The following PSD3 variants were observed in gnomAD, a reference collection of about 807,000 sequenced individuals.
The protein encoded by PSD3 is PH and SEC7 domain-containing protein 3.
PSD3 carries 49 observed loss-of-function variants against 105.5 expected under a neutral mutation model. That is an observed-to-expected ratio of 0.46 (90% CI 0.37 to 0.59). The LOEUF is 0.59. Ranked by LOEUF, PSD3 falls within the 20% of genes least tolerant of loss-of-function variation. The pLI is 0.00. For missense variants in PSD3, 1,561 were observed against 1,263.8 expected (o/e 1.24, Z -3.57); for synonymous variants, 557 against 457.8 (o/e 1.22, Z -2.77).
chr8:18,700,403 T>C (rs750773192), intron 9 of PSD3, among the ~76,000 whole-genome samples: 1 of 152,210 alleles, frequency 6.6e-6, no homozygotes, highest in African/African-American at 2.4e-5. Flanking sequence ...TAGAGTACGG[T>C]TGTTTCTTAA....
At chr8:19,038,335 T>A (rs1212996870) in intron 1 of PSD3, among the ~76,000 whole-genome samples, 1 of 152,208 alleles carries the variant, frequency 6.6e-6, no homozygotes, top group Admixed American at 6.5e-5. Context: ...TTGCCTGAAT[T>A]TGGGGTCCCT....
At chr8:18,909,615 C>A (rs1290607244) in intron 2 of PSD3, among the ~76,000 whole-genome samples, 1 of 152,124 alleles carries the variant, frequency 6.6e-6, no homozygotes, top group Non-Finnish European at 1.5e-5. Flanking sequence ...AAGTGAGCAG[C>A]TCGGACTACA....
At chr8:19,061,679 C>T (rs1828900607) in intron 1 of PSD3, among the ~76,000 whole-genome samples, 2 of 151,962 alleles carry the variant, frequency 1.3e-5, no homozygotes, top group Admixed American at 6.6e-5. Context: ...GTGGGGTGTG[C>T]CTGTAATCCC....
chr8:18,756,513 G>C (rs1446421858), intron 9 of PSD3, among the ~76,000 whole-genome samples: 7 of 151,548 alleles, frequency 4.6e-5, no homozygotes, highest in African/African-American at 1.5e-4. Context: ...AGAGCTAAGA[G>C]AGTTAACACT....
At chr8:18,552,196 C>T (rs190200128) in intron 15 of PSD3, among the ~76,000 whole-genome samples, 53 of 152,260 alleles carry the variant, frequency 3.5e-4, no homozygotes, top group African/African-American at 1.2e-3. Flanking sequence ...TTCAGCAATT[C>T]CCCTGTAGTA....
chr8:18,736,105 C>T (rs1225296365), intron 9 of PSD3, among the ~76,000 whole-genome samples: 2 of 152,138 alleles, frequency 1.3e-5, no homozygotes, highest in Non-Finnish European at 2.9e-5. Flanking sequence ...ATCTCCTATG[C>T]TACAGTTTAC....
chr8:18,685,485 C>T (rs972684069), intron 9 of PSD3, among the ~76,000 whole-genome samples: 10 of 151,462 alleles, frequency 6.6e-5, no homozygotes, highest in South Asian at 2.1e-4. Context: ...ATAAAGAAGA[C>T]GAAGACATTA....
At chr8:18,808,201 T>C (rs894810847) in intron 4 of PSD3, among the ~76,000 whole-genome samples, 1 of 152,198 alleles carries the variant, frequency 6.6e-6, no homozygotes, top group Non-Finnish European at 1.5e-5. Context: ...ACAAAGCCCT[T>C]GGAGTTGTGT....
intron 2 of PSD3, among the ~76,000 whole-genome samples, chr8:18,916,950 T>C (rs1348792235): frequency 4.6e-5 from 7 of 152,066 alleles, no homozygotes; most frequent in Admixed American, 3.9e-4. Context: ...TAAAATCTCT[T>C]CCCTCTAGCC....
intron 3 of PSD3, among the ~76,000 whole-genome samples, chr8:18,870,466 T>A (rs1401426337): frequency 6.6e-6 from 1 of 151,746 alleles, no homozygotes; most frequent in Admixed American, 6.6e-5. Context: ...ATCTCATAAG[T>A]AGGAGTTAAA....
chr8:18,683,744 T>A (rs768892532), intron 9 of PSD3: 2 of 760,416 alleles, frequency 2.6e-6, no homozygotes, highest in Non-Finnish European at 4.8e-6. Context: ...CACACAGCTG[T>A]CAATAAGGTT....
chr8:18,619,041 G>C (rs1369586516), intron 11 of PSD3, among the ~76,000 whole-genome samples: 2 of 151,884 alleles, frequency 1.3e-5, no homozygotes, highest in African/African-American at 2.4e-5. Flanking sequence ...CATACTGCTT[G>C]AGCTCAAAGT....
At chr8:18,649,219 C>G (rs1263984772) in intron 10 of PSD3, among the ~76,000 whole-genome samples, 1 of 152,204 alleles carries the variant, frequency 6.6e-6, no homozygotes, top group Admixed American at 6.5e-5. Context: ...AACGCCAGCC[C>G]ATGAGAGCAA....
intron 9 of PSD3, among the ~76,000 whole-genome samples, chr8:18,731,035 C>T (rs1803708197): frequency 2.0e-5 from 3 of 151,806 alleles, no homozygotes; most frequent in Admixed American, 2.0e-4. Flanking sequence ...CCTTTACCTC[C>T]CCCACAAAAT....
intron 9 of PSD3, among the ~76,000 whole-genome samples, chr8:18,666,031 T>C (rs929567398): frequency 2.0e-5 from 3 of 152,118 alleles, no homozygotes; most frequent in Admixed American, 6.5e-5. Context: ...ATGACACACA[T>C]AATAAACTAC....
At chr8:18,815,411 C>T (rs765188075) in intron 4 of PSD3, among the ~76,000 whole-genome samples, 17 of 152,084 alleles carry the variant, frequency 1.1e-4, no homozygotes, top group Non-Finnish European at 2.5e-4. Flanking sequence ...AGGGTTCAAG[C>T]GATTCTCCTG....
At chr8:18,704,247 G>C (rs1291720271) in intron 9 of PSD3, among the ~76,000 whole-genome samples, 2 of 152,134 alleles carry the variant, frequency 1.3e-5, no homozygotes, top group African/African-American at 4.8e-5. Flanking sequence ...TTTCTTACTA[G>C]ACTCTAAATG....
intron 1 of PSD3, among the ~76,000 whole-genome samples, chr8:19,039,599 G>A (rs1828056433): frequency 6.6e-6 from 1 of 152,096 alleles, no homozygotes; most frequent in African/African-American, 2.4e-5. Context: ...GAGTCTACTG[G>A]ACAATATCAT....
chr8:18,812,778 C>T (rs1811807250), intron 4 of PSD3, among the ~76,000 whole-genome samples: 1 of 152,142 alleles, frequency 6.6e-6, no homozygotes, highest in African/African-American at 2.4e-5. Context: ...AGACACGTGC[C>T]AGGGTGCACT....
Sources: gnomAD v4.1 joint callset for allele counts (sites outside exome capture counted in the v4.1 genomes callset) on GRCh38, gnomAD v4.1.1 for gene constraint, MANE v1.5 for transcripts, NCBI Gene and HGNC (gene_info 2026-07-23, HGNC 2026-07-21) for gene names.